Variants in PHACTR3 observed in about 807,000 individuals in gnomAD.
The protein encoded by PHACTR3 is protein phosphatase 1, regulatory subunit 123.
PHACTR3 carries 16 observed loss-of-function variants against 66.8 expected under a neutral mutation model. The observed-to-expected ratio is 0.24, with a 90% CI of 0.16 to 0.36. The LOEUF (loss-of-function observed/expected upper bound fraction) is 0.36. PHACTR3 is among the 10% of genes least tolerant of loss of function. PHACTR3 has a pLI of 1.00. For missense variants in PHACTR3, 647 were observed against 719.9 expected, an observed-to-expected ratio of 0.90 and a Z score of 1.16; for synonymous variants, 323 against 292.1, an observed-to-expected ratio of 1.11 and a Z score of -1.08.
chr20:59,624,852 A>G (rs1488883733), intron 1 of PHACTR3, among the ~76,000 whole-genome samples: 1 of 152,236 alleles, frequency 6.6e-6, no homozygotes, highest in East Asian at 1.9e-4. Context: ...TTTCACTCTT[A>G]TAGTAGATTT....
chr20:59,650,307 G>C (rs1003845046), intron 1 of PHACTR3, among the ~76,000 whole-genome samples: 1 of 152,082 alleles, frequency 6.6e-6, no homozygotes, highest in African/African-American at 2.4e-5. Context: ...CAGATACAAA[G>C]ATTCTAAGTT....
At chr20:59,715,735 A>G (rs1485536405) in intron 1 of PHACTR3, among the ~76,000 whole-genome samples, 1 of 152,178 alleles carries the variant, frequency 6.6e-6, no homozygotes, top group African/African-American at 2.4e-5. Context: ...TGGGGCCCAT[A>G]CATCCTTCAT....
chr20:59,765,663 G>C (rs910042036), intron 4 of PHACTR3, among the ~76,000 whole-genome samples: 5 of 152,228 alleles, frequency 3.3e-5, no homozygotes, highest in African/African-American at 1.2e-4. Flanking sequence ...TGCAATATTT[G>C]CATCTGGTGT....
At chr20:59,635,875 G>A (rs1162312609) in intron 1 of PHACTR3, among the ~76,000 whole-genome samples, 1 of 152,226 alleles carries the variant, frequency 6.6e-6, no homozygotes, top group Admixed American at 6.5e-5. Context: ...TCTCCGGGCT[G>A]CACACAGTTG....
intron 1 of PHACTR3, chr20:59,628,895 G>T (rs73301446): frequency 2.4e-6 from 2 of 844,970 alleles, no homozygotes; most frequent in Admixed American, 6.2e-5. Context: ...TTAGACTCAC[G>T]TGGGGGTTGC....
At chr20:59,599,859 C>T (rs908781259), upstream of PHACTR3, among the ~76,000 whole-genome samples, 3 of 152,140 alleles carry the variant, frequency 2.0e-5, no homozygotes, top group African/African-American at 7.2e-5. Flanking sequence ...CTACCACTCA[C>T]CAGGATGATT....
intron 8 of PHACTR3, among the ~76,000 whole-genome samples, chr20:59,822,971 G>A (rs574556926): frequency 1.3e-5 from 2 of 152,328 alleles, no homozygotes; most frequent in Admixed American, 6.5e-5. Flanking sequence ...CCCTGCCCGA[G>A]CAAAAGATCA....
chr20:59,588,385 T>C (rs1207807085), intron 1 of PHACTR3, among the ~76,000 whole-genome samples: 1 of 152,196 alleles, frequency 6.6e-6, no homozygotes, highest in East Asian at 1.9e-4. Flanking sequence ...CATCTCTCCC[T>C]GTCCGATGCA....
chr20:59,730,127 C>A (rs1601208288), intron 1 of PHACTR3, among the ~76,000 whole-genome samples: 2 of 152,278 alleles, frequency 1.3e-5, no homozygotes, highest in Admixed American at 6.5e-5. Context: ...CTGTACAGGT[C>A]ACACTTGGTC....
chr20:59,841,599 C>A, intron 11 of PHACTR3, 64 bp downstream of exon 11: 1 of 1,524,428 alleles, frequency 6.6e-7, no homozygotes, highest in South Asian at 1.3e-5. Context: ...ATATGTCATG[C>A]CAGGGAGTTT....
At chr20:59,773,196 C>T (rs1022787062) in intron 5 of PHACTR3, 83 bp from the exon 6 acceptor site, 111 of 1,478,524 alleles carry the variant, frequency 7.5e-5, no homozygotes, top group Middle Eastern at 3.6e-4. Context: ...GCGTCCTTTC[C>T]GCTCATGGTC....
At chr20:59,614,778 TA>T (rs2033974376) in intron 1 of PHACTR3, among the ~76,000 whole-genome samples, 1 of 152,222 alleles carries the variant, frequency 6.6e-6, no homozygotes, top group South Asian at 2.1e-4. Flanking sequence ...TGCCTTATTG[TA>T]ATCACTAGCT....
At chr20:59,623,301 T>C (rs1490212898) in intron 1 of PHACTR3, among the ~76,000 whole-genome samples, 2 of 152,114 alleles carry the variant, frequency 1.3e-5, no homozygotes, top group Non-Finnish European at 2.9e-5. Context: ...CTGCTTCTCC[T>C]CTTTGGCCTC....
At chr20:59,734,604 G>A (rs1205228224) in intron 1 of PHACTR3, among the ~76,000 whole-genome samples, 1 of 152,078 alleles carries the variant, frequency 6.6e-6, no homozygotes, top group Non-Finnish European at 1.5e-5. Context: ...AAGTTGTGAT[G>A]AACATAGATG....
rs1239843743 is a variant in PHACTR3, at chr20:59,847,420, T to A, written c.*290T>A. The A allele has an allele frequency of 6.5e-6, 2 of 305,634 alleles. No homozygotes were observed. Among genetic ancestry groups the A allele is most frequent in the Non-Finnish European group, 1.2e-5 (2 of 160,822 alleles). 18.9% of individuals were successfully genotyped at this position (305,634 alleles called of 1,614,324 possible). On this transcript the variant is annotated 3_prime_UTR_variant, in exon 13 of 13. Transcript: ENST00000371015. ...CTGTTGTTTGCCTTTCAACCTTGTT[T>A]TACAGTTCTGCAGTGTAATGGAGGA... is the stretch of plus-strand genomic sequence containing the variant.
Position 59,754,393 on chromosome 20 carries a change from C to T in PHACTR3, c.359-789C>T, listed in dbSNP as rs550728540. Among the ~76,000 whole-genome samples the T allele has an allele frequency of 2.4e-4, 37 of 152,236 alleles. 1 individual carries two copies. The highest frequency in any genetic ancestry group is 8.9e-4 in the African/African-American group (37 of 41,466). Reference sequence around the variant, plus strand: ...CCCCCGGCTCTGTGGCCCCTCCATCCATGGGTGTGCCCCGTTCCTGGGCTC... The same window carrying T: ...CCCCCGGCTCTGTGGCCCCTCCATCTATGGGTGTGCCCCGTTCCTGGGCTC... On this transcript the variant is annotated intron_variant, in intron 3 of 12. Coordinates refer to ENST00000371015, the MANE Select transcript of PHACTR3 (RefSeq NM_080672.5).
At chr20:59,655,602 C>G (rs556315648) in intron 1 of PHACTR3, among the ~76,000 whole-genome samples, 12 of 152,020 alleles carry the variant, frequency 7.9e-5, no homozygotes, top group Non-Finnish European at 1.3e-4. Context: ...AGAACCAACT[C>G]TTTATTTTAT....
At chr20:59,622,981 C>CAAAAAAAAAAAAAAAAAAAAGAAAAA (rs71183177) in intron 1 of PHACTR3, among the ~76,000 whole-genome samples, 1 of 32,216 alleles carries the variant, frequency 3.1e-5, no homozygotes, top group Non-Finnish European at 5.5e-5. Context: ...CAGCTTTAAC[C>CAAAAAAAAAAAAAAAAAAAAGAAAAA]AAAAAAAAAA....
chr20:59,593,927 G>T (rs964146122), intron 1 of PHACTR3, among the ~76,000 whole-genome samples: 11 of 152,150 alleles, frequency 7.2e-5, no homozygotes, highest in African/African-American at 2.7e-4. Flanking sequence ...TCTTAAAGTC[G>T]GGAATGCCAG....
Sources: gnomAD v4.1 joint callset for allele counts (sites outside exome capture counted in the v4.1 genomes callset) on GRCh38, gnomAD v4.1.1 for gene constraint, MANE v1.5 for transcripts, NCBI Gene and HGNC (gene_info 2026-07-23, HGNC 2026-07-21) for gene names.